MACROD2: variants seen among roughly 807,000 people sequenced by gnomAD.
MACROD2 encodes the protein ADP-ribose glycohydrolase MACROD2.
In MACROD2, 36 loss-of-function variants were observed where a neutral mutation model predicts 70.4. The ratio of observed to expected loss-of-function variants is 0.51; its 90% CI spans 0.39 to 0.68. The LOEUF is 0.68. Among genes scored for constraint, MACROD2 ranks in the 30% least tolerant of loss-of-function variants. MACROD2 has a pLI of 0.00. For missense variants in MACROD2, 496 were observed against 538.4 expected (o/e 0.92, Z 0.78); for synonymous variants, 172 against 178.8 (o/e 0.96, Z 0.30).
intron 5 of MACROD2, among the ~76,000 whole-genome samples, chr20:14,862,862 G>T (rs1483889581): frequency 6.7e-6 from 1 of 149,152 alleles, no homozygotes; most frequent in Admixed American, 6.9e-5. Context: ...CATACCTACT[G>T]TAGTGAGGGA....
At chr20:15,168,441 A>ATGTGTGTGTGTGTGTG (rs56188346) in intron 5 of MACROD2, among the ~76,000 whole-genome samples, 17 of 134,722 alleles carry the variant, frequency 1.3e-4, no homozygotes, top group African/African-American at 3.4e-4. Flanking sequence ...ACATTGTGGG[A>ATGTGTGTGTGTGTGTG]TGTGTGTGTG....
intron 3 of MACROD2, among the ~76,000 whole-genome samples, chr20:14,421,797 C>T (rs2083878880): frequency 6.6e-6 from 1 of 151,860 alleles, no homozygotes; most frequent in African/African-American, 2.4e-5. Context: ...AAATTTATTG[C>T]AATTTGTTTT....
chr20:14,409,061 GT>G (rs934786396), intron 3 of MACROD2, among the ~76,000 whole-genome samples: 1 of 150,196 alleles, frequency 6.7e-6, no homozygotes, highest in Non-Finnish European at 1.5e-5. Context: ...TTTTGAACCT[GT>G]TTTTGTCTCC....
chr20:14,497,214 G>A (rs935238462), intron 4 of MACROD2, among the ~76,000 whole-genome samples: 5 of 151,688 alleles, frequency 3.3e-5, no homozygotes, highest in Non-Finnish European at 7.3e-5. Flanking sequence ...CTTGAAAGTC[G>A]ATACAATGGC....
intron 5 of MACROD2, among the ~76,000 whole-genome samples, chr20:14,759,069 G>A (rs369367765): frequency 2.0e-5 from 3 of 151,926 alleles, no homozygotes; most frequent in Non-Finnish European, 2.9e-5. Context: ...GCTGACTTGC[G>A]TGCCTTTTTG....
chr20:15,429,060 C>T (rs978375225), intron 6 of MACROD2, among the ~76,000 whole-genome samples: 3 of 152,150 alleles, frequency 2.0e-5, no homozygotes, highest in African/African-American at 7.2e-5. Context: ...AATCTGAATC[C>T]TCTCTGATTT....
intron 5 of MACROD2, among the ~76,000 whole-genome samples, chr20:15,042,450 C>G (rs1345525712): frequency 2.0e-5 from 3 of 152,146 alleles, no homozygotes; most frequent in Non-Finnish European, 4.4e-5. Context: ...CATCCTACAG[C>G]AGAATGGGAC....
rs77635286 is a variant in MACROD2, at chr20:14,683,800, T to G, written c.302-1043T>G. On this transcript the variant is annotated intron_variant, in intron 4 of 17. Coordinates refer to ENST00000684519, the MANE Select transcript of MACROD2 (RefSeq NM_001351661.2). ...AGGAGAAGTCTTCAGACCTCTAATA[T>G]TCTATCTATTTTCACATTCCAGTTA... Among the ~76,000 whole-genome samples, 325 of 152,264 alleles carry G rather than the reference T, an allele frequency of 2.1e-3. 1 individual carries two copies. Among genetic ancestry groups the G allele is most frequent in the African/African-American group, 7.4e-3 (308 of 41,560 alleles).
intron 8 of MACROD2, among the ~76,000 whole-genome samples, chr20:15,755,705 T>G (rs1186493598): frequency 6.6e-6 from 1 of 152,322 alleles, no homozygotes; most frequent in South Asian, 2.1e-4. Context: ...TTGATTATCA[T>G]GTACCCAACA....
At chr20:14,316,855 C>A (rs1161640894) in intron 3 of MACROD2, among the ~76,000 whole-genome samples, 1 of 152,166 alleles carries the variant, frequency 6.6e-6, no homozygotes, top group East Asian at 1.9e-4. Flanking sequence ...CTAGAGTGAC[C>A]TTATTACAAT....
intron 6 of MACROD2, among the ~76,000 whole-genome samples, chr20:15,343,136 C>T (rs563517707): frequency 6.6e-6 from 1 of 152,240 alleles, no homozygotes; most frequent in South Asian, 2.1e-4. Flanking sequence ...TTTGGGGCTC[C>T]GGATCAGCCA....
At chr20:15,642,855 T>C (rs894963154) in intron 8 of MACROD2, among the ~76,000 whole-genome samples, 5 of 152,036 alleles carry the variant, frequency 3.3e-5, no homozygotes, top group Non-Finnish European at 5.9e-5. Flanking sequence ...GCCACATGCA[T>C]ACACACGGGA....
intron 5 of MACROD2, among the ~76,000 whole-genome samples, chr20:15,069,221 C>T (rs2075600576): frequency 6.6e-6 from 1 of 152,178 alleles, no homozygotes; most frequent in South Asian, 2.1e-4. Context: ...TGTGGCATGG[C>T]TGCTTCTGAA....
At chr20:15,164,017 A>T (rs413113) in intron 5 of MACROD2, among the ~76,000 whole-genome samples, 1 of 151,996 alleles carries the variant, frequency 6.6e-6, no homozygotes, top group African/African-American at 2.4e-5. Context: ...AATAAATAAA[A>T]TACATAGTGT....
At chr20:14,343,164 G>C (rs2083032119) in intron 3 of MACROD2, among the ~76,000 whole-genome samples, 1 of 151,514 alleles carries the variant, frequency 6.6e-6, no homozygotes. Flanking sequence ...AACTCCAGCT[G>C]ATATAGGTCA....
At chr20:15,525,117 G>C (rs933976770) in intron 8 of MACROD2, among the ~76,000 whole-genome samples, 3 of 152,170 alleles carry the variant, frequency 2.0e-5, no homozygotes, top group Non-Finnish European at 4.4e-5. Context: ...CCATTTCCAG[G>C]TGCCTTACTG....
chr20:15,805,519 C>T (rs1235557268), intron 8 of MACROD2, among the ~76,000 whole-genome samples: 1 of 151,294 alleles, frequency 6.6e-6, no homozygotes, highest in Admixed American at 6.6e-5. Context: ...TCTTTTTGCC[C>T]AGGCTGGAGT....
Position 14,726,016 on chromosome 20 carries a change from C to A in MACROD2, c.418+41057C>A, listed in dbSNP as rs184013541. ...TGGCTCTCATCATTATACCTTTCTTCATTGAAATATTATAGGAACAAAGGA... is the reference window on the plus strand; with the variant it reads ...TGGCTCTCATCATTATACCTTTCTTAATTGAAATATTATAGGAACAAAGGA... On this transcript the variant is annotated intron_variant, in intron 5 of 17. Transcript: ENST00000684519. Among the ~76,000 whole-genome samples the A allele has an allele frequency of 1.7e-3, 258 of 152,212 alleles. 1 individual carries two copies. Among genetic ancestry groups the A allele is most frequent in the Non-Finnish European group, 3.1e-3 (213 of 68,016 alleles).
At chr20:14,573,520 T>C (rs1980357848) in intron 4 of MACROD2, among the ~76,000 whole-genome samples, 1 of 152,178 alleles carries the variant, frequency 6.6e-6, no homozygotes, top group African/African-American at 2.4e-5. Context: ...ACCTGAGACT[T>C]GTTGAGTTTA....
Sources: allele counts gnomAD v4.1 joint callset (sites outside exome capture counted in the v4.1 genomes callset), GRCh38; gene constraint gnomAD v4.1.1; transcripts MANE v1.5; gene names NCBI Gene and HGNC (gene_info 2026-07-23, HGNC 2026-07-21).